Variants in ZSWIM4 observed in about 807,000 individuals in gnomAD.
ZSWIM4 encodes zinc finger SWIM-type containing 4.
Under a neutral mutation model 102.5 loss-of-function variants are expected in ZSWIM4, and 62 were observed. The ratio of observed to expected loss-of-function variants is 0.60; its 90% CI spans 0.49 to 0.75. The LOEUF (loss-of-function observed/expected upper bound fraction) is 0.75. Ranked by LOEUF, ZSWIM4 falls within the 30% of genes least tolerant of loss-of-function variation. The probability of loss-of-function intolerance (pLI) is 0.00; values close to 1 mark genes in which losing one functional copy is unlikely to be tolerated. For synonymous variants in ZSWIM4, 652 were observed against 674.5 expected (o/e 0.97, Z 0.52); for missense variants, 1,280 against 1,529.6 (o/e 0.84, Z 2.72).
chr19:13,814,613 C>T lies in ZSWIM4; in HGVS notation c.1279C>T (p.Leu427=). ...AGELHWNDAY[L]QRILASDSYG... Reference sequence around the variant, plus strand: ...AGAGCTACACTGGAATGACGCCTACCTGCAGAGGATCCTGGCCAGTGACTC... The same window carrying T: ...AGAGCTACACTGGAATGACGCCTACTTGCAGAGGATCCTGGCCAGTGACTC... Residue 427 remains leucine, a synonymous_variant, in exon 7 of 14, where the codon CTG becomes TTG. Coordinates refer to ENST00000590508, the MANE Select transcript of ZSWIM4 (RefSeq NM_001367834.3). The T allele has an allele frequency of 8.0e-7, 1 of 1,246,214 alleles. No individual in the cohort carries two copies. The highest frequency in any genetic ancestry group is 1.0e-6 in the Non-Finnish European group (1 of 959,634). 77.2% of individuals were successfully genotyped at this position (1,246,214 alleles called of 1,614,324 possible). A position where few individuals can be genotyped will look rare whatever the true frequency, so the allele number is the denominator to read the frequency against.
chr19:13,799,875 G>C lies in ZSWIM4; in HGVS notation c.309G>C (p.Gly103=). The change falls in exon 2 of 14, where the codon GGG becomes GGC. Residue 103 remains glycine (G), a synonymous_variant. Transcript: ENST00000590508. ...EHDARVPFTR[G]LHLLQSGAVD... is the part of the protein sequence containing the mutation. ...ATGCCCGGGTGCCCTTTACCCGCGGGCTGCACCTGCTCCAGAGCGGGGCCG... is the reference window on the plus strand; with the variant it reads ...ATGCCCGGGTGCCCTTTACCCGCGGCCTGCACCTGCTCCAGAGCGGGGCCG... The C allele has an allele frequency of 6.2e-7, 1 of 1,613,244 alleles. No homozygotes were observed. The highest frequency in any genetic ancestry group is 2.2e-5 in the East Asian group (1 of 44,876).
intron 7 of ZSWIM4, among the ~76,000 whole-genome samples, chr19:13,816,652 A>G (rs1975296862): frequency 6.6e-6 from 1 of 152,010 alleles, no homozygotes; most frequent in Non-Finnish European, 1.5e-5. Flanking sequence ...AAAAAAAGAA[A>G]AAGGATGTGC....
chr19:13,804,717 C>G, intron 2 of ZSWIM4, 75 bp from the exon 3 acceptor site: 1 of 1,262,388 alleles, frequency 7.9e-7, no homozygotes, highest in South Asian at 1.4e-5. Context: ...GCTTTGCAAC[C>G]GGGTCTTGCT....
intron 3 of ZSWIM4, among the ~76,000 whole-genome samples, chr19:13,806,199 T>C (rs1974915992): frequency 1.3e-5 from 2 of 151,338 alleles, no homozygotes; most frequent in African/African-American, 2.4e-5. Context: ...CACACCATCA[T>C]GCCCGGCTAA....
chr19:13,799,027 G>A (rs917444825), intron 1 of ZSWIM4, among the ~76,000 whole-genome samples: 2 of 151,992 alleles, frequency 1.3e-5, no homozygotes, highest in African/African-American at 4.8e-5. Flanking sequence ...GGACTCAAGT[G>A]CACCAACTGC....
At chr19:13,826,533 G>A (rs988668514) in intron 12 of ZSWIM4, among the ~76,000 whole-genome samples, 4 of 152,058 alleles carry the variant, frequency 2.6e-5, no homozygotes, top group Non-Finnish European at 5.9e-5. Context: ...TTGGGAGGCC[G>A]AGGGGGGCAG....
rs921361129 is a variant in ZSWIM4 at position 13,803,208 on chromosome 19, A to G, written c.356-1584A>G. The stretch of plus-strand genomic sequence containing the variant: ...GGGCTCCTTGCCACCTCCAGCTGGT[A>G]TGAGGAAGCCATCTCCCTGCATGAC... On this transcript the variant is annotated intron_variant, in intron 2 of 13. Transcript: ENST00000590508. 2.0e-5 allele frequency among the ~76,000 whole-genome samples: 3 copies of G among 152,166 alleles called. No homozygotes were observed. The South Asian group carries it at 6.2e-4, about 31-fold the overall frequency.
At chr19:13,801,836 T>G (rs2145260657) in intron 2 of ZSWIM4, among the ~76,000 whole-genome samples, 1 of 151,706 alleles carries the variant, frequency 6.6e-6, no homozygotes, top group African/African-American at 2.4e-5. Context: ...CATGCCTGGC[T>G]AATTTTTGTA....
intron 2 of ZSWIM4, among the ~76,000 whole-genome samples, chr19:13,802,274 C>G (rs1445878938): frequency 8.6e-6 from 1 of 115,608 alleles, no homozygotes; most frequent in Non-Finnish European, 1.6e-5. Context: ...CCACGCCTGG[C>G]CAAATTTTTT....
chr19:13,811,130 G>A (rs925137474), intron 5 of ZSWIM4, among the ~76,000 whole-genome samples: 1 of 151,724 alleles, frequency 6.6e-6, no homozygotes, highest in South Asian at 2.1e-4. Flanking sequence ...AGCCAGGATG[G>A]TCTCGATCTC....
intron 6 of ZSWIM4, among the ~76,000 whole-genome samples, chr19:13,813,368 C>T (rs1190146991): frequency 6.6e-6 from 1 of 152,150 alleles, no homozygotes; most frequent in Non-Finnish European, 1.5e-5. Context: ...CAATGGCAGC[C>T]CAAGTGGGCA....
At position 13,830,215 on chromosome 19, in the gene ZSWIM4, T is replaced by C; in HGVS notation, c.2486T>C (p.Met829Thr). ...EIGPQALMNIMQNWYSLFTPV... is the reference protein window; with the variant it reads ...EIGPQALMNITQNWYSLFTPV... ...GGCCCGCAAGCCCTGATGAATATCA[T>C]GCAGAACTGGTATTCCTTATTCACA... Residue 829 changes from methionine to threonine, a missense_variant, in exon 14 of 14, where the codon ATG becomes ACG. By Grantham distance (81) the Met-to-Thr change is moderately conservative. Transcript: ENST00000590508. 6.2e-7 allele frequency: 1 copy of C among 1,613,418 alleles called. No homozygotes were observed. The highest frequency in any genetic ancestry group is 1.1e-5 in the South Asian group (1 of 91,078).
At position 13,812,999 on chromosome 19, in the gene ZSWIM4, G is replaced by A. The variant is rs370863683; in HGVS notation, c.1015G>A (p.Ala339Thr). The A allele has an allele frequency of 3.1e-6, 5 of 1,607,044 alleles. No homozygotes were observed. ...KCRQLWDELG[A>T]LWVCVVLSPH... ...GAGCCTGCCCCGTGCCTCCTCAGGG[G>A]CCCTGTGGGTTTGCGTCGTCCTGAG... Residue 339 changes from alanine to threonine, a missense_variant and splice_region_variant, in exon 6 of 14, where the codon GCC (alanine) becomes ACC (threonine). Coordinates refer to ENST00000590508, the MANE Select transcript of ZSWIM4 (RefSeq NM_001367834.3).
intron 10 of ZSWIM4, among the ~76,000 whole-genome samples, chr19:13,822,156 AC>A (rs1342218751): frequency 1.6e-4 from 19 of 120,694 alleles, no homozygotes; most frequent in Non-Finnish European, 1.3e-4. Context: ...ACAAACACAC[AC>A]ACACATACAC....
In ZSWIM4 at chr19:13,830,403, C is replaced by G. The variant is rs751255612; in HGVS notation, c.2674C>G (p.Leu892Val). 3.1e-6 allele frequency: 5 copies of G among 1,612,116 alleles called. No individual in the cohort carries two copies. The highest frequency in any genetic ancestry group is 3.4e-6 in the Non-Finnish European group (4 of 1,179,972). The change falls in exon 14 of 14, where the codon CTG becomes GTG. Residue 892 changes from leucine (L) to valine (V), a missense_variant. Transcript: ENST00000590508. ...CCCTCAGAACTGCGCCTTGCCTGCC[C>G]TGACCCTGTGCGAGAAGAACCACTC... ...KDPQNCALPA[L>V]TLCEKNHSAF...
intron 10 of ZSWIM4, among the ~76,000 whole-genome samples, chr19:13,821,239 G>A (rs921863685): frequency 3.4e-5 from 5 of 147,044 alleles, no homozygotes; most frequent in East Asian, 2.0e-4. Context: ...AGCCCAGATC[G>A]CACCACTGCA....
chr19:13,807,605 TG>T (rs2145283963), intron 3 of ZSWIM4, among the ~76,000 whole-genome samples: 1 of 151,498 alleles, frequency 6.6e-6, no homozygotes, highest in African/African-American at 2.4e-5. Flanking sequence ...GATGGATGGA[TG>T]GATGGATGGA....
chr19:13,799,570 C>T, intron 1 of ZSWIM4, 150 bp from the exon 2 acceptor site: 1 of 746,316 alleles, frequency 1.3e-6, no homozygotes, highest in Non-Finnish European at 2.2e-6. Context: ...GCCATCGTGC[C>T]CGGCCAGTTT....
rs200396785 is a variant in ZSWIM4, at chr19:13,817,362, A to T, written c.1669+9A>T. 528 of 1,610,838 alleles carry T rather than the reference A, an allele frequency of 3.3e-4. 2 individuals carry two copies. The highest frequency in any genetic ancestry group is 3.2e-3 in the South Asian group (289 of 90,844). ...ACTTACCCTTTACCCAGGTACTCAC[A>T]TGGGGTACTCTTGGAGGAGGTGGGA... On this transcript the variant is annotated intron_variant, in intron 8 of 13. Coordinates refer to ENST00000590508, the MANE Select transcript of ZSWIM4 (RefSeq NM_001367834.3).
Sources: allele counts gnomAD v4.1 joint callset (sites outside exome capture counted in the v4.1 genomes callset), GRCh38; gene constraint gnomAD v4.1.1; transcripts MANE v1.5; gene names NCBI Gene and HGNC (gene_info 2026-07-23, HGNC 2026-07-21).